The following FUCA1 variants were observed in gnomAD, a reference collection of about 807,000 sequenced individuals.
The protein encoded by FUCA1 is alpha-L-fucosidase 1.
Under a neutral mutation model 56.8 loss-of-function variants are expected in FUCA1, and 52 were observed. The ratio of observed to expected loss-of-function variants is 0.92; its 90% confidence interval spans 0.73 to 1.15. FUCA1 has a LOEUF of 1.15. Among genes scored for constraint, FUCA1 ranks in the 50% most tolerant of loss-of-function variants. The pLI, the probability that FUCA1 is intolerant of heterozygous loss-of-function variation, is 0.00. For synonymous variants in FUCA1, 230 were observed against 226.6 expected (o/e 1.02, Z -0.14); for missense variants, 568 against 592.6 (o/e 0.96, Z 0.43).
intron 3 of FUCA1, 148 bp from the exon 4 acceptor site, chr1:23,860,051 C>G (rs757856457): frequency 4.7e-6 from 3 of 638,642 alleles, no homozygotes; most frequent in Non-Finnish European, 8.5e-6. Context: ...TCACAATGCA[C>G]TATAGTCTCG....
At chr1:23,846,202 G>A in intron 6 of FUCA1, 29 bp from the exon 7 acceptor site, 2 of 1,376,128 alleles carry the variant, frequency 1.5e-6, no homozygotes, top group Non-Finnish European at 2.1e-6. Flanking sequence ...CACTGTCAAA[G>A]ATACCTGACT....
At chr1:23,859,962 T>C (rs1398911264) in intron 3 of FUCA1, 59 bp from the exon 4 acceptor site, 1 of 1,222,938 alleles carries the variant, frequency 8.2e-7, no homozygotes, top group African/African-American at 1.5e-5. Context: ...AGTAAAATCT[T>C]ATGGACCATT....
rs1348831332 is a variant in FUCA1 at position 23,867,801 on chromosome 1, G to C, written c.389+97C>G. On this transcript the variant is annotated intron_variant, in intron 1 of 7. Coordinates refer to ENST00000374479, the MANE Select transcript of FUCA1 (RefSeq NM_000147.5). This position sits in a 1 kb window ranked among gnomAD's most constrained non-coding sequence, Gnocchi z 4.9. Reference sequence around the variant, plus strand: ...ACACGCGGGCCCCGGGGTCATGGGGGCGACCGGCAGCTGCGCGCCCCAGCT... The same window carrying C: ...ACACGCGGGCCCCGGGGTCATGGGGCCGACCGGCAGCTGCGCGCCCCAGCT... The C allele has an allele frequency of 2.8e-6, 4 of 1,444,632 alleles. No individual in the cohort carries two copies. The African/African-American group carries it at 4.4e-5, about 16-fold the overall frequency. 89.5% of individuals were successfully genotyped at this position (1,444,632 alleles called of 1,614,324 possible).
chr1:23,863,087 G>T, intron 3 of FUCA1, 47 bp downstream of exon 3: 1 of 1,603,134 alleles, frequency 6.2e-7, no homozygotes, highest in South Asian at 1.1e-5. Context: ...AGGAAGCTCT[G>T]ATTTCATTGA....
At chr1:23,852,415 C>T (rs1427211952) in intron 5 of FUCA1, among the ~76,000 whole-genome samples, 2 of 151,712 alleles carry the variant, frequency 1.3e-5, no homozygotes, top group Admixed American at 6.6e-5. Flanking sequence ...GAGCAAGACC[C>T]CATTTCATTA....
Position 23,865,629 on chromosome 1 carries a change from T to C in FUCA1, c.390-4A>G. ...CTTTGTCGTCAAAACTACATACCTG[T>C]GGACAGCAAAACCACATGAGCAAAG... is the stretch of plus-strand genomic sequence containing the variant. On this transcript the variant is annotated splice_region_variant and splice_polypyrimidine_tract_variant and intron_variant, in intron 1 of 7. Transcript: ENST00000374479. The C allele has an allele frequency of 6.2e-7, 1 of 1,614,216 alleles. No individual in the cohort carries two copies. The highest frequency in any genetic ancestry group is 8.5e-7 in the Non-Finnish European group (1 of 1,180,042).
Position 23,845,532 on chromosome 1 carries a change from T to G in FUCA1, c.*183A>C, listed in dbSNP as rs1330014635. On this transcript the variant is annotated 3_prime_UTR_variant, in exon 8 of 8. Coordinates refer to ENST00000374479, the MANE Select transcript of FUCA1 (RefSeq NM_000147.5). ...CTGATACAGATATAATCACAATGGA[T>G]CTCAGATCTTTGGTCCATTTAGACA... 1.5e-6 allele frequency: 1 copy of G among 677,202 alleles called. No homozygotes were observed. Among genetic ancestry groups the G allele is most frequent in the East Asian group, 2.7e-5 (1 of 37,514 alleles). 41.9% of individuals were successfully genotyped at this position (677,202 alleles called of 1,614,324 possible).
At chr1:23,859,118 T>TA (rs1411111494) in intron 4 of FUCA1, among the ~76,000 whole-genome samples, 1 of 152,174 alleles carries the variant, frequency 6.6e-6, no homozygotes, top group Non-Finnish European at 1.5e-5. Context: ...TATTTTATTA[T>TA]ATGTTTTAAT....
At chr1:23,849,200 G>A (rs1002650870) in intron 5 of FUCA1, among the ~76,000 whole-genome samples, 1 of 152,158 alleles carries the variant, frequency 6.6e-6, no homozygotes, top group Non-Finnish European at 1.5e-5. Flanking sequence ...GGCCAGGCCA[G>A]TCTCAAAACT....
rs1312317955 is a variant in FUCA1, at chr1:23,859,871, T to A, written c.695A>T (p.Glu232Val). Reference sequence around the variant, plus strand: ...CCAGTAAGTATCAGGACATTCCCACTCCCCATCAGACCAGATCAGATCAGG... The same window carrying A: ...CCAGTAAGTATCAGGACATTCCCACACCCCATCAGACCAGATCAGATCAGG... Reference protein sequence around the residue: ...YKPDLIWSDGEWECPDTYWNS... With the variant: ...YKPDLIWSDGVWECPDTYWNS... Residue 232 changes from glutamate to valine, a missense_variant, in exon 4 of 8, where the codon GAG becomes GTG. Transcript: ENST00000374479. 6.2e-7 allele frequency: 1 copy of A among 1,612,966 alleles called. No individual in the cohort carries two copies. Among genetic ancestry groups the A allele is most frequent in the Non-Finnish European group, 8.5e-7 (1 of 1,179,108 alleles).
chr1:23,849,006 C>T (rs1468354570), intron 5 of FUCA1, among the ~76,000 whole-genome samples, 167 bp from the exon 6 acceptor site: 4 of 151,148 alleles, frequency 2.6e-5, no homozygotes, highest in East Asian at 3.9e-4. Context: ...TCACTCTTGT[C>T]GCCCAGGCTA....
chr1:23,849,575 C>CTTTTTTTTTTT lies in FUCA1; in HGVS notation c.970-747_970-737dup, dbSNP rs991049814. 6.2e-5 allele frequency among the ~76,000 whole-genome samples: 5 copies of CTTTTTTTTTTT among 80,260 alleles called. 1 individual carries two copies. The highest frequency in any genetic ancestry group is 2.1e-4 in the African/African-American group (4 of 19,246). The allele number at this position is 80,260 out of a possible 152,430, so 52.7% of individuals were successfully genotyped here. On this transcript the variant is annotated intron_variant, in intron 5 of 7. Coordinates refer to ENST00000374479, the MANE Select transcript of FUCA1 (RefSeq NM_000147.5). ...GAAAACTGCTATAAAGAGATACGTT[C>CTTTTTTTTTTT]TTTTTTTTTTTTTTTTTTTTTTTTT...
chr1:23,861,185 T>A (rs1639503137), intron 3 of FUCA1, among the ~76,000 whole-genome samples: 1 of 151,442 alleles, frequency 6.6e-6, no homozygotes. Flanking sequence ...TAGCCGGGCA[T>A]GGTGGCGGGC....
At chr1:23,861,628 CAT>C (rs536927841) in intron 3 of FUCA1, among the ~76,000 whole-genome samples, 200 of 152,230 alleles carry the variant, frequency 1.3e-3, no homozygotes, top group African/African-American at 4.6e-3. Context: ...TGTACTCTAG[CAT>C]ATTATTACTC....
chr1:23,865,517 A>G lies in FUCA1; in HGVS notation c.498T>C (p.Gly166=). The G allele has an allele frequency of 6.2e-7, 1 of 1,614,186 alleles. No homozygotes were observed. The highest frequency in any genetic ancestry group is 8.5e-7 in the Non-Finnish European group (1 of 1,180,028). The change falls in exon 2 of 8, where the codon GGT becomes GGC. Residue 166 remains glycine, a synonymous_variant. Transcript: ENST00000374479. The part of the protein sequence containing the change: ...KDVGPHRDLV[G]ELGTALRKRN... ...TCTTCCGGAGAGCTGTTCCCAATTC[A>G]CCAACCAAATCCCGATGAGGCCCCA...
At position 23,860,060 on chromosome 1, in the gene FUCA1, C is replaced by T. The variant is rs575918720; in HGVS notation, c.663-157G>A. Among the ~76,000 whole-genome samples, 6 of 152,198 alleles carry T rather than the reference C, an allele frequency of 3.9e-5. No individual in the cohort carries two copies. The East Asian group carries it at 5.8e-4, about 15-fold the overall frequency. ...GTATGATCACAATGCACTATAGTCT[C>T]GAATTCCTGGGCTCAAGCGATCCTC... On this transcript the variant is annotated intron_variant, in intron 3 of 7. Transcript: ENST00000374479.
intron 1 of FUCA1, among the ~76,000 whole-genome samples, chr1:23,866,928 C>T (rs893628434): frequency 4.6e-5 from 7 of 152,338 alleles, no homozygotes; most frequent in Middle Eastern, 3.4e-3. Flanking sequence ...TACTCCCATA[C>T]ATTTAATGGC....
intron 5 of FUCA1, 45 bp downstream of exon 5, chr1:23,854,315 T>C (rs745320246): frequency 8.4e-6 from 12 of 1,420,162 alleles, no homozygotes; most frequent in African/African-American, 1.4e-5. Context: ...ATACTGCATG[T>C]TAAAAAAAAA....
chr1:23,845,747 C>A lies in FUCA1; in HGVS notation c.1369G>T (p.Ala457Ser), dbSNP rs767383908. The A allele has an allele frequency of 6.2e-7, 1 of 1,614,184 alleles. No homozygotes were observed. Among genetic ancestry groups the A allele is most frequent in the Non-Finnish European group, 8.5e-7 (1 of 1,180,024 alleles). The change falls in exon 8 of 8, where the codon GCT (alanine) becomes TCT (serine). Residue 457 changes from alanine (A) to serine (S), a missense_variant. Physicochemically the swap from Ala to Ser is moderately conservative, Grantham distance 99. Coordinates refer to ENST00000374479, the MANE Select transcript of FUCA1 (RefSeq NM_000147.5). ...LPPSAVPAEF[A>S]WTIKLTGVK ...ACTCCTGTCAGCTTTATAGTCCAAG[C>A]AAACTCTGCGGGGACAGCAGAGGGT...
Sources: allele counts gnomAD v4.1 joint callset (sites outside exome capture counted in the v4.1 genomes callset), GRCh38; gene constraint gnomAD v4.1.1; non-coding constraint Gnocchi (gnomAD v3.1); transcripts MANE v1.5; gene names NCBI Gene and HGNC (gene_info 2026-07-23, HGNC 2026-07-21).